The following PI4KA variants were observed in gnomAD, a reference collection of about 807,000 sequenced individuals.
The protein encoded by PI4KA is PI4-kinase alpha.
PI4KA carries 122 observed loss-of-function variants against 271.4 expected under a neutral mutation model. The observed-to-expected ratio is 0.45, with a 90% confidence interval of 0.39 to 0.52. The LOEUF (loss-of-function observed/expected upper bound fraction) is 0.52, where lower values mean the gene tolerates loss of function less well. Ranked by LOEUF, PI4KA falls within the 20% of genes least tolerant of loss-of-function variation. The pLI is 0.00. For missense variants in PI4KA, 1,969 were observed against 2,769.1 expected (o/e 0.71, Z 6.48); for synonymous variants, 1,041 against 1,078.8 (o/e 0.96, Z 0.69).
At chr22:20,762,467 C>A (rs552806847) in intron 22 of PI4KA, among the ~76,000 whole-genome samples, 4 of 152,172 alleles carry the variant, frequency 2.6e-5, no homozygotes, top group Admixed American at 6.5e-5. Flanking sequence ...GGTAGGCAGC[C>A]CGAGGTGGAA....
At position 20,811,052 on chromosome 22, in the gene PI4KA, T is replaced by G; in HGVS notation, c.1006-20A>C. The stretch of plus-strand genomic sequence containing the variant: ...CTTCACCTACCAAGGAAACAGAACC[T>G]CATGAAGCAACTGACATACACAGAG... On this transcript the variant is annotated intron_variant, in intron 8 of 54. Transcript: ENST00000255882. 2 of 1,592,376 alleles carry G rather than the reference T, an allele frequency of 1.3e-6. No individual in the cohort carries two copies. The highest frequency in any genetic ancestry group is 1.7e-6 in the Non-Finnish European group (2 of 1,160,166).
Position 20,799,263 on chromosome 22 carries a change from T to C in PI4KA, c.1834A>G (p.Ile612Val). Reference sequence around the variant, plus strand: ...AAGGCTCGGATTGTGTGGTCGGGAATCAAGTGAGCGTCCCTACAGAAGGAA... The same window carrying C: ...AAGGCTCGGATTGTGTGGTCGGGAACCAAGTGAGCGTCCCTACAGAAGGAA... ...SQESDKDAHL[I>V]PDHTIRALGH... The change falls in exon 16 of 55, where the codon ATT (isoleucine) becomes GTT (valine). Residue 612 changes from isoleucine to valine, a missense_variant. Coordinates refer to ENST00000255882, the MANE Select transcript of PI4KA (RefSeq NM_058004.4). The C allele has an allele frequency of 6.6e-7, 1 of 1,525,214 alleles. No individual in the cohort carries two copies. Among genetic ancestry groups the C allele is most frequent in the Non-Finnish European group, 8.8e-7 (1 of 1,139,252 alleles). 94.5% of individuals were successfully genotyped at this position (1,525,214 alleles called of 1,614,324 possible). A position where few individuals can be genotyped will look rare whatever the true frequency, so the allele number is the denominator to read the frequency against.
chr22:20,804,496 C>T (rs1165599335), intron 11 of PI4KA, 96 bp from the exon 12 acceptor site: 1 of 846,598 alleles, frequency 1.2e-6, no homozygotes, highest in Non-Finnish European at 2.0e-6. Flanking sequence ...TAATAAAACC[C>T]CAGAGACATA....
At chr22:20,769,765 C>A (rs1212300133) in intron 19 of PI4KA, among the ~76,000 whole-genome samples, 4 of 151,326 alleles carry the variant, frequency 2.6e-5, no homozygotes, top group Admixed American at 1.3e-4. Flanking sequence ...ACACATGAAA[C>A]CCTGACCAGA....
At chr22:20,739,083 C>T (rs1185371789) in intron 32 of PI4KA, among the ~76,000 whole-genome samples, 4 of 150,390 alleles carry the variant, frequency 2.7e-5, no homozygotes. Flanking sequence ...CAGTGGCTCA[C>T]GCCTAAAATC....
chr22:20,737,772 C>T lies in PI4KA; in HGVS notation c.3742-3219G>A, dbSNP rs546319105. ...TCAGCCTCCTAAGTAGCTGGGATTACAGGCACATGCCACCACACCTGGCTA... is the reference window on the plus strand; with the variant it reads ...TCAGCCTCCTAAGTAGCTGGGATTATAGGCACATGCCACCACACCTGGCTA... On this transcript the variant is annotated intron_variant, in intron 32 of 54. Transcript: ENST00000255882. 5.9e-5 allele frequency among the ~76,000 whole-genome samples: 9 copies of T among 152,158 alleles called. No individual in the cohort carries two copies. The East Asian group carries it at 9.7e-4, about 16-fold the overall frequency.
rs1283371543 is a variant in PI4KA at position 20,714,475 on chromosome 22, C to G, written c.5444G>C (p.Ser1815Thr). Residue 1815 changes from serine to threonine, a missense_variant, in exon 47 of 55, where the codon AGT becomes ACT. By Grantham distance (58) the Ser-to-Thr change is moderately conservative. Coordinates refer to ENST00000255882, the MANE Select transcript of PI4KA (RefSeq NM_058004.4). ...TTACTGACCTTCTTTTTCAAGTTCA[C>G]TAACTCCACATCGCTTCACCTTGAA... ...AKFKVKRCGV[S>T]ELEKEGLRCR... 1.9e-6 allele frequency: 3 copies of G among 1,612,174 alleles called. No homozygotes were observed. In the African/African-American group the frequency reaches 4.0e-5, roughly 22 times the overall value.
At chr22:20,709,565 G>A (rs1427866044) in intron 53 of PI4KA, 186 bp from the exon 54 acceptor site, 5 of 613,898 alleles carry the variant, frequency 8.1e-6, no homozygotes, top group South Asian at 1.9e-5. Context: ...CATGGGCCCT[G>A]TCCCCTTCCC....
chr22:20,742,431 A>G (rs1320491833), intron 31 of PI4KA, 76 bp from the exon 32 acceptor site: 1 of 1,580,994 alleles, frequency 6.3e-7, no homozygotes, highest in East Asian at 2.2e-5. Flanking sequence ...GGCCAACAAG[A>G]GTTGACCAGC....
chr22:20,787,929 G>T (rs1002992188), intron 19 of PI4KA, among the ~76,000 whole-genome samples: 37 of 152,178 alleles, frequency 2.4e-4, no homozygotes, highest in African/African-American at 8.4e-4. Flanking sequence ...GTGCTAAGTG[G>T]CACACAAGCC....
At chr22:20,836,643 G>A (rs1924902872) in intron 2 of PI4KA, among the ~76,000 whole-genome samples, 1 of 152,214 alleles carries the variant, frequency 6.6e-6, no homozygotes, top group Non-Finnish European at 1.5e-5. Flanking sequence ...CCATCCTGGA[G>A]GGAAGCAAGG....
intron 43 of PI4KA, among the ~76,000 whole-genome samples, chr22:20,719,470 G>A (rs1926436204): frequency 6.6e-6 from 1 of 152,110 alleles, no homozygotes; most frequent in South Asian, 2.1e-4. Flanking sequence ...TGTGCACGAA[G>A]CACTCTTGCC....
chr22:20,745,733 TG>T (rs1929978838), intron 29 of PI4KA, among the ~76,000 whole-genome samples: 2 of 152,142 alleles, frequency 1.3e-5, no homozygotes, highest in South Asian at 4.1e-4. Flanking sequence ...GGGAAGTCAA[TG>T]TCTCTGAGCC....
intron 17 of PI4KA, among the ~76,000 whole-genome samples, chr22:20,796,670 G>C (rs1263156986): frequency 6.6e-6 from 1 of 152,224 alleles, no homozygotes; most frequent in Non-Finnish European, 1.5e-5. Flanking sequence ...AGGCATTCCA[G>C]GTTGGATCTT....
chr22:20,726,023 GTTTT>G (rs1927306987), intron 42 of PI4KA, among the ~76,000 whole-genome samples: 1 of 151,706 alleles, frequency 6.6e-6, no homozygotes, highest in South Asian at 2.1e-4. Context: ...TTGTTTGTTT[GTTTT>G]GTTTTTTGGC....
chr22:20,727,218 C>A lies in PI4KA; in HGVS notation c.4941+12G>T, dbSNP rs1370605303. 2 of 1,610,620 alleles carry A rather than the reference C, an allele frequency of 1.2e-6. No homozygotes were observed. The highest frequency in any genetic ancestry group is 1.7e-6 in the Non-Finnish European group (2 of 1,179,176). On this transcript the variant is annotated intron_variant, in intron 41 of 54. Coordinates refer to ENST00000255882, the MANE Select transcript of PI4KA (RefSeq NM_058004.4). The stretch of plus-strand genomic sequence containing the variant: ...CCTACCAGAGGCCAGCTCAGCAGGG[C>A]CCTGGGCTCACCGGAGGGAAGGACC...
At chr22:20,789,120 G>C (rs920555528) in intron 19 of PI4KA, among the ~76,000 whole-genome samples, 4 of 152,106 alleles carry the variant, frequency 2.6e-5, no homozygotes, top group Admixed American at 2.0e-4. Context: ...AAGCAGGAGA[G>C]TACTCATTCA....
chr22:20,780,053 G>A (rs2147482731), intron 19 of PI4KA: 1 of 1,614,078 alleles, frequency 6.2e-7, no homozygotes, highest in Non-Finnish European at 8.5e-7. Context: ...ACTTTGCTGA[G>A]GCCCAGATAG....
Position 20,709,979 on chromosome 22 carries a change from G to A in PI4KA, c.6102C>T (p.Val2034=), listed in dbSNP as rs779082141. 9.3e-6 allele frequency: 15 copies of A among 1,613,182 alleles called. No individual in the cohort carries two copies. Among genetic ancestry groups the A allele is most frequent in the Middle Eastern group, 1.6e-4 (1 of 6,076 alleles). The change falls in exon 53 of 55, where the codon GTC becomes GTT. Residue 2034 remains valine, a synonymous_variant. Transcript: ENST00000255882. ...CCAACATGAGAGTGACCAGGGAGAC[G>A]ACCGCGTCCATGTAGGGCCTGGGGA... ...YLAVRPYMDA[V]VSLVTLMLDT...
Sources: allele counts gnomAD v4.1 joint callset (sites outside exome capture counted in the v4.1 genomes callset), GRCh38; gene constraint gnomAD v4.1.1; transcripts MANE v1.5; gene names NCBI Gene and HGNC (gene_info 2026-07-23, HGNC 2026-07-21).